Variants in TCF12 observed in about 807,000 individuals in gnomAD.
TCF12 encodes the protein DNA-binding protein HTF4.
TCF12 carries 45 observed loss-of-function variants against 86.0 expected under a neutral mutation model. The ratio of observed to expected loss-of-function variants is 0.52; its 90% CI spans 0.41 to 0.67. TCF12 has a LOEUF of 0.67. Among genes scored for constraint, TCF12 ranks in the 30% least tolerant of loss-of-function variants. TCF12 has a pLI of 0.00. For missense variants in TCF12, 881 were observed against 859.9 expected (o/e 1.02, Z -0.31); for synonymous variants, 330 against 299.6 (o/e 1.10, Z -1.05).
chr15:57,146,595 C>G (rs1051871361), intron 5 of TCF12, among the ~76,000 whole-genome samples: 1 of 152,206 alleles, frequency 6.6e-6, no homozygotes, highest in African/African-American at 2.4e-5. Context: ...CAAGGGGGCA[C>G]TGTCTTACCA....
chr15:57,157,161 G>T (rs1288620227), intron 5 of TCF12, among the ~76,000 whole-genome samples: 1 of 152,120 alleles, frequency 6.6e-6, no homozygotes, highest in Non-Finnish European at 1.5e-5. Context: ...AGTTTATGTA[G>T]TCCTTAGAAA....
chr15:57,111,805 C>G (rs1193767528), intron 5 of TCF12, among the ~76,000 whole-genome samples: 1 of 151,982 alleles, frequency 6.6e-6, no homozygotes, highest in African/African-American at 2.4e-5. Context: ...GTTGTTCAAG[C>G]TGGTCTCAAA....
intron 20 of TCF12, among the ~76,000 whole-genome samples, chr15:57,283,332 T>C (rs140337058): frequency 3.3e-4 from 50 of 152,200 alleles, no homozygotes; most frequent in African/African-American, 1.1e-3. Flanking sequence ...CGATCTCAGC[T>C]AACTGCAGTC....
intron 5 of TCF12, among the ~76,000 whole-genome samples, chr15:57,115,225 T>C (rs1017802518): frequency 8.5e-5 from 13 of 152,210 alleles, no homozygotes; most frequent in Non-Finnish European, 1.6e-4. Context: ...TATAGTTTAG[T>C]TCCTCTTGTT....
At chr15:56,951,530 A>G (rs2061276367) in intron 3 of TCF12, among the ~76,000 whole-genome samples, 1 of 152,164 alleles carries the variant, frequency 6.6e-6, no homozygotes, top group Admixed American at 6.6e-5. Flanking sequence ...TTTGAGGAGC[A>G]GAAGTTTCTA....
chr15:57,210,472 T>C (rs866899374), intron 8 of TCF12, among the ~76,000 whole-genome samples: 19 of 151,410 alleles, frequency 1.3e-4, no homozygotes, highest in Admixed American at 8.5e-4. Flanking sequence ...TAAAAGTCTT[T>C]TCAGCAGCAA....
chr15:56,963,971 G>T (rs2061891010), intron 3 of TCF12, among the ~76,000 whole-genome samples: 1 of 152,198 alleles, frequency 6.6e-6, no homozygotes, highest in Non-Finnish European at 1.5e-5. Flanking sequence ...GTGTTGACAG[G>T]AAAGGAATAA....
chr15:57,108,060 T>A (rs2050249987), intron 5 of TCF12, among the ~76,000 whole-genome samples: 5 of 152,238 alleles, frequency 3.3e-5, no homozygotes. Context: ...CATTTAGTCC[T>A]TTCCCTTGAG....
At chr15:56,985,890 C>G (rs996668959) in intron 3 of TCF12, among the ~76,000 whole-genome samples, 1 of 152,026 alleles carries the variant, frequency 6.6e-6, no homozygotes, top group Admixed American at 6.6e-5. Flanking sequence ...CCAACAGGAC[C>G]AACTGTGAGG....
chr15:57,123,982 A>AAAAAAAAAAAT (rs1555511574), intron 5 of TCF12, among the ~76,000 whole-genome samples: 21 of 111,256 alleles, frequency 1.9e-4, no homozygotes, highest in Admixed American at 5.5e-4. Flanking sequence ...AAAAAAAAAA[A>AAAAAAAAAAAT]TTTTTTTTTT....
chr15:56,921,292 G>A (rs995462828), intron 3 of TCF12, among the ~76,000 whole-genome samples, 194 bp downstream of exon 3: 3 of 152,048 alleles, frequency 2.0e-5, no homozygotes, highest in Non-Finnish European at 4.4e-5. Flanking sequence ...GAAATCAGTA[G>A]TTTCGTTTAC....
chr15:57,110,129 A>T (rs1024041473), intron 5 of TCF12, among the ~76,000 whole-genome samples: 15 of 152,214 alleles, frequency 9.9e-5, no homozygotes, highest in African/African-American at 3.6e-4. Context: ...ATAGCATAAC[A>T]ATGTATAATA....
At chr15:56,976,941 T>C (rs113540624) in intron 3 of TCF12, among the ~76,000 whole-genome samples, 1 of 152,102 alleles carries the variant, frequency 6.6e-6, no homozygotes, top group African/African-American at 2.4e-5. Context: ...TTTTAATTAA[T>C]TAAAATAAAA....
intron 9 of TCF12, 68 bp from the exon 10 acceptor site, chr15:57,232,223 A>G (rs879161488): frequency 6.3e-7 from 1 of 1,582,856 alleles, no homozygotes; most frequent in Non-Finnish European, 8.7e-7. Context: ...TTGAATTTTT[A>G]TAAGCAACAT....
intron 16 of TCF12, among the ~76,000 whole-genome samples, chr15:57,255,508 G>A (rs938723249): frequency 6.6e-6 from 1 of 152,082 alleles, no homozygotes; most frequent in Non-Finnish European, 1.5e-5. Context: ...TTTAGAGATG[G>A]AGTCTCACTC....
chr15:57,139,755 T>C (rs2052819632), intron 5 of TCF12, among the ~76,000 whole-genome samples: 1 of 152,182 alleles, frequency 6.6e-6, no homozygotes, highest in Admixed American at 6.5e-5. Context: ...AAGCATTTGC[T>C]ATGACACTCA....
At position 57,158,184 on chromosome 15, in the gene TCF12, G is replaced by GTTTTTTTTTT. The variant is rs374179677; in HGVS notation, c.326-8215_326-8214insTTTTTTTTTT. ...ACAGATGTTAAAGTCTCAGAAAGTCGTTTCTTTTTTTTTTTTTTCTTTGAG... is the reference window on the plus strand; with the variant it reads ...ACAGATGTTAAAGTCTCAGAAAGTCGTTTTTTTTTTTTTCTTTTTTTTTTTTTTCTTTGAG... On this transcript the variant is annotated intron_variant, in intron 5 of 20. Transcript: ENST00000333725. Among the ~76,000 whole-genome samples, 14 of 134,084 alleles carry GTTTTTTTTTT rather than the reference G, an allele frequency of 1.0e-4. 6 individuals are homozygous for GTTTTTTTTTT. Among genetic ancestry groups the GTTTTTTTTTT allele is most frequent in the Non-Finnish European group, 6.4e-5 (4 of 62,334 alleles). 88.0% of individuals were successfully genotyped at this position (134,084 alleles called of 152,430 possible).
intron 4 of TCF12, among the ~76,000 whole-genome samples, chr15:57,087,071 C>G (rs141380844): frequency 1.1e-3 from 147 of 136,694 alleles, no homozygotes; most frequent in Admixed American, 2.2e-3. Flanking sequence ...GTCTCCCTCT[C>G]TCTCCCTCTG....
intron 4 of TCF12, among the ~76,000 whole-genome samples, chr15:57,075,926 C>T (rs371854004): frequency 7.2e-4 from 107 of 149,526 alleles, no homozygotes; most frequent in Middle Eastern, 3.4e-3. Flanking sequence ...TACAGTGACA[C>T]GATCGTGGCC....
Sources: allele counts gnomAD v4.1 joint callset (sites outside exome capture counted in the v4.1 genomes callset), GRCh38; gene constraint gnomAD v4.1.1; transcripts MANE v1.5; gene names NCBI Gene and HGNC (gene_info 2026-07-23, HGNC 2026-07-21).